AVPI1: variants seen among roughly 807,000 people sequenced by gnomAD.
AVPI1 encodes arginine vasopressin-induced protein 1.
AVPI1 carries 9 observed loss-of-function variants against 11.9 expected under a neutral mutation model. That is an observed-to-expected ratio of 0.76 (90% CI 0.46 to 1.32). AVPI1 has a LOEUF of 1.32. Among genes scored for constraint, AVPI1 ranks in the 40% most tolerant of loss-of-function variants. The pLI is 0.00. For synonymous variants in AVPI1, 68 were observed against 78.1 expected (o/e 0.87, Z 0.68); for missense variants, 207 against 195.8 (o/e 1.06, Z -0.34).
Position 97,679,925 on chromosome 10 carries a change from C to A in AVPI1, c.-10-10G>T, listed in dbSNP as rs1012686481. ...ACCCATTGTGGATGCTCTGAGGATGCAAAGCATGGAGACATCATCAACTCA... is the reference window on the plus strand; with the variant it reads ...ACCCATTGTGGATGCTCTGAGGATGAAAAGCATGGAGACATCATCAACTCA... On this transcript the variant is annotated splice_polypyrimidine_tract_variant and intron_variant, in intron 1 of 2. Coordinates refer to ENST00000370626, the MANE Select transcript of AVPI1 (RefSeq NM_021732.3). 6.5e-7 allele frequency: 1 copy of A among 1,541,486 alleles called. No homozygotes were observed. Among genetic ancestry groups the A allele is most frequent in the African/African-American group, 1.3e-5 (1 of 74,180 alleles).
At chr10:97,681,905 A>G (rs2041706739) in intron 1 of AVPI1, among the ~76,000 whole-genome samples, 1 of 151,230 alleles carries the variant, frequency 6.6e-6, no homozygotes, top group African/African-American at 2.4e-5. Flanking sequence ...AAAAAAAAAA[A>G]AAAAAGAAAA....
chr10:97,678,261 C>T (rs984350987), intron 2 of AVPI1, among the ~76,000 whole-genome samples: 5 of 152,226 alleles, frequency 3.3e-5, no homozygotes, highest in African/African-American at 4.8e-5. Flanking sequence ...TTTCTTCATC[C>T]TCATCCTGTA....
chr10:97,682,056 G>A (rs2135771975), intron 1 of AVPI1, among the ~76,000 whole-genome samples: 1 of 152,292 alleles, frequency 6.6e-6, no homozygotes, highest in South Asian at 2.1e-4. Context: ...GCAGTCTATA[G>A]GCCAACATGG....
At chr10:97,679,983 A>G (rs1205702209) in intron 1 of AVPI1, 68 bp from the exon 2 acceptor site, 1 of 1,373,820 alleles carries the variant, frequency 7.3e-7, no homozygotes, top group Admixed American at 2.6e-5. Context: ...GGTCCTGGCT[A>G]ATCCTAGGGC....
Position 97,679,751 on chromosome 10 carries a change from T to G in AVPI1, c.155A>C (p.Glu52Ala), listed in dbSNP as rs1319036069. The G allele has an allele frequency of 6.2e-7, 1 of 1,614,126 alleles. No individual in the cohort carries two copies. Among genetic ancestry groups the G allele is most frequent in the African/African-American group, 1.3e-5 (1 of 75,048 alleles). ...LFQRSGDQLA[E>A]ERAQIIWECA... is the part of the protein sequence containing the mutation. ...TTCCCAGATGATCTGTGCCCGTTCCTCGGCCAGCTGGTCCCCGCTGCGTTG... is the reference window on the plus strand; with the variant it reads ...TTCCCAGATGATCTGTGCCCGTTCCGCGGCCAGCTGGTCCCCGCTGCGTTG... Residue 52 changes from glutamate (E) to alanine (A), a missense_variant, in exon 2 of 3, where the codon GAG becomes GCG. By Grantham distance (107) the Glu-to-Ala change is moderately radical. Transcript: ENST00000370626.
Position 97,687,210 on chromosome 10 carries a change from G to C in AVPI1, c.-455C>G, listed in dbSNP as rs2135774854. The stretch of plus-strand genomic sequence containing the variant: ...CCGGGAGAAAGCGCTCCCTAGCCCC[G>C]GAACAGCCAATCCTCGGCCCTAGCC... On this transcript the variant is annotated 5_prime_UTR_variant, in exon 1 of 3. Transcript: ENST00000370626. 1 of 152,532 alleles carries C rather than the reference G, an allele frequency of 6.6e-6. No individual in the cohort carries two copies. The highest frequency in any genetic ancestry group is 1.9e-4 in the East Asian group (1 of 5,188). 9.4% of individuals were successfully genotyped at this position (152,532 alleles called of 1,614,324 possible).
Position 97,678,951 on chromosome 10 carries a change from G to C in AVPI1, c.287+668C>G, listed in dbSNP as rs1564779905. ...TGTGTGTGTGTGTGTGTGTGTGTGT[G>C]TGTGTGTGTGTGTGTGTGTGTGTGT... On this transcript the variant is annotated intron_variant, in intron 2 of 2. Transcript: ENST00000370626. 1.5e-3 allele frequency among the ~76,000 whole-genome samples: 62 copies of C among 40,108 alleles called. 9 individuals are homozygous for C. The highest frequency in any genetic ancestry group is 0.014 in the East Asian group (21 of 1,492). The allele number at this position is 40,108 out of a possible 152,430, so 26.3% of individuals were successfully genotyped here.
At chr10:97,684,984 T>C (rs1236104733) in intron 1 of AVPI1, among the ~76,000 whole-genome samples, 2 of 152,220 alleles carry the variant, frequency 1.3e-5, no homozygotes, top group Admixed American at 6.5e-5. Flanking sequence ...ATGTGTTCAA[T>C]AGTTATTTTC....
At position 97,682,308 on chromosome 10, in the gene AVPI1, C is replaced by T. The variant is rs145221451; in HGVS notation, c.-10-2393G>A. On this transcript the variant is annotated intron_variant, in intron 1 of 2. Coordinates refer to ENST00000370626, the MANE Select transcript of AVPI1 (RefSeq NM_021732.3). ...CCTGCTGGGGAGAGGAGGAGCAGGT[C>T]CTGCTGCTTCTCCAGGGCCTGGTTG... Among the ~76,000 whole-genome samples the T allele has an allele frequency of 7.2e-5, 11 of 152,300 alleles. No homozygotes were observed. The East Asian group carries it at 2.1e-3, about 29-fold the overall frequency.
chr10:97,681,270 G>A lies in AVPI1; in HGVS notation c.-10-1355C>T, dbSNP rs544058914. Among the ~76,000 whole-genome samples the A allele has an allele frequency of 1.1e-3, 175 of 152,290 alleles. 1 individual carries two copies. The Middle Eastern group carries it at 0.014, about 12-fold the overall frequency. On this transcript the variant is annotated intron_variant, in intron 1 of 2. Transcript: ENST00000370626. ...AATTATATCAGTTACCCAATAAGAGGATAAATAAAAAATTTAAGAATACAA... is the reference window on the plus strand; with the variant it reads ...AATTATATCAGTTACCCAATAAGAGAATAAATAAAAAATTTAAGAATACAA...
intron 1 of AVPI1, among the ~76,000 whole-genome samples, chr10:97,681,985 C>T (rs887519661): frequency 1.3e-5 from 2 of 151,520 alleles, no homozygotes; most frequent in Non-Finnish European, 2.9e-5. Flanking sequence ...ACAAAACATT[C>T]ACATTGTATT....
chr10:97,683,854 C>A (rs2041716454), intron 1 of AVPI1, among the ~76,000 whole-genome samples: 1 of 152,242 alleles, frequency 6.6e-6, no homozygotes. Context: ...AATTCACATC[C>A]CCTCTGTGGG....
chr10:97,685,762 C>T (rs1346067775), intron 1 of AVPI1, among the ~76,000 whole-genome samples: 2 of 152,142 alleles, frequency 1.3e-5, no homozygotes, highest in Non-Finnish European at 2.9e-5. Flanking sequence ...GGGAGGTATG[C>T]CGAGACAACT....
At position 97,679,799 on chromosome 10, in the gene AVPI1, A is replaced by G; in HGVS notation, c.107T>C (p.Leu36Pro). 1 of 1,613,640 alleles carries G rather than the reference A, an allele frequency of 6.2e-7. No homozygotes were observed. Among genetic ancestry groups the G allele is most frequent in the South Asian group, 1.1e-5 (1 of 91,014 alleles). Residue 36 changes from leucine to proline, a missense_variant, in exon 2 of 3, where the codon CTG becomes CCG. Coordinates refer to ENST00000370626, the MANE Select transcript of AVPI1 (RefSeq NM_021732.3). ...ASANIFQDAE[L>P]LQIQALFQRS... is the part of the protein sequence containing the mutation. ...TTGAAACAGGGCTTGGATCTGCAGCAGCTCGGCGTCCTGGAAGATGTTGGC... is the reference window on the plus strand; with the variant it reads ...TTGAAACAGGGCTTGGATCTGCAGCGGCTCGGCGTCCTGGAAGATGTTGGC...
At chr10:97,678,926 T>TCGCC (rs2041684029) in intron 2 of AVPI1, among the ~76,000 whole-genome samples, 2 of 18,732 alleles carry the variant, frequency 1.1e-4, no homozygotes, top group African/African-American at 3.9e-4. Context: ...TGTGTGTGTG[T>TCGCC]GTGTGTGTGT....
At chr10:97,679,002 T>C (rs1415006038) in intron 2 of AVPI1, among the ~76,000 whole-genome samples, 2 of 141,122 alleles carry the variant, frequency 1.4e-5, no homozygotes, top group African/African-American at 5.3e-5. Context: ...TGTGTGTGTT[T>C]TCAGAGACAG....
intron 2 of AVPI1, among the ~76,000 whole-genome samples, chr10:97,678,699 AAG>A (rs1191654279): frequency 6.6e-6 from 1 of 151,352 alleles, no homozygotes; most frequent in Non-Finnish European, 1.5e-5. Context: ...AAAAAAAAAA[AAG>A]AGAATCTCAC....
intron 1 of AVPI1, among the ~76,000 whole-genome samples, chr10:97,681,132 G>C (rs932620221): frequency 1.3e-5 from 2 of 152,140 alleles, no homozygotes; most frequent in Non-Finnish European, 2.9e-5. Flanking sequence ...ACCCAACCTC[G>C]TCTCTGAGCC....
rs532779578 is a variant in AVPI1, at chr10:97,681,741, G to A, written c.-10-1826C>T. Reference sequence around the variant, plus strand: ...AAAATACAAAAAATTAGCCGGGCGCGGTGGCGGGCGCCTGTAGTCCCAGCT... The same window carrying A: ...AAAATACAAAAAATTAGCCGGGCGCAGTGGCGGGCGCCTGTAGTCCCAGCT... On this transcript the variant is annotated intron_variant, in intron 1 of 2. Transcript: ENST00000370626. Among the ~76,000 whole-genome samples the A allele has an allele frequency of 2.9e-3, 426 of 149,034 alleles. 3 individuals carry two copies. The highest frequency in any genetic ancestry group is 6.9e-3 in the Middle Eastern group (2 of 290).
Sources: allele counts gnomAD v4.1 joint callset (sites outside exome capture counted in the v4.1 genomes callset), GRCh38; gene constraint gnomAD v4.1.1; transcripts MANE v1.5; gene names NCBI Gene and HGNC (gene_info 2026-07-23, HGNC 2026-07-21).